Variants in ARL8B observed in about 807,000 individuals in gnomAD.
The protein encoded by ARL8B is ARF like GTPase 8B.
A neutral mutation model predicts 30.6 loss-of-function variants in ARL8B; 9 were observed. That is an observed-to-expected ratio of 0.29 (90% CI 0.18 to 0.51). The LOEUF (loss-of-function observed/expected upper bound fraction) is 0.51. ARL8B is among the 20% of genes least tolerant of loss of function. The pLI is 0.97. For missense variants in ARL8B, 130 were observed against 227.2 expected (o/e 0.57, Z 2.75); for synonymous variants, 74 against 76.0 (o/e 0.97, Z 0.14).
intron 1 of ARL8B, among the ~76,000 whole-genome samples, chr3:5,129,021 A>T (rs544431558): frequency 1.3e-5 from 2 of 151,738 alleles, no homozygotes; most frequent in African/African-American, 4.8e-5. Context: ...GATTTTTCCT[A>T]TGTTTTCCTA....
chr3:5,141,612 G>A (rs1443884310), intron 1 of ARL8B, among the ~76,000 whole-genome samples: 1 of 152,152 alleles, frequency 6.6e-6, no homozygotes, highest in Non-Finnish European at 1.5e-5. Context: ...CCGTAAATGG[G>A]TTGTTAATTC....
At chr3:5,126,042 A>T (rs547027994) in intron 1 of ARL8B, among the ~76,000 whole-genome samples, 1 of 152,202 alleles carries the variant, frequency 6.6e-6, no homozygotes, top group Non-Finnish European at 1.5e-5. Context: ...AATTTAAAAA[A>T]GAAAAAAGAC....
chr3:5,126,770 T>G (rs1410608714), intron 1 of ARL8B, among the ~76,000 whole-genome samples: 1 of 152,220 alleles, frequency 6.6e-6, no homozygotes, highest in Admixed American at 6.5e-5. Flanking sequence ...TTCTGATTAG[T>G]GTCAAGGAAT....
chr3:5,164,844 C>A (rs539180911), intron 1 of ARL8B, among the ~76,000 whole-genome samples: 1 of 151,998 alleles, frequency 6.6e-6, no homozygotes, highest in Non-Finnish European at 1.5e-5. Context: ...TCTCTTTAGC[C>A]TCTGTTAGTC....
intron 6 of ARL8B, among the ~76,000 whole-genome samples, chr3:5,175,024 C>G (rs184160812): frequency 1.3e-5 from 2 of 151,976 alleles, no homozygotes; most frequent in Admixed American, 1.3e-4. Context: ...TGGTCTTGAA[C>G]TCCTGACCTC....
intron 6 of ARL8B, among the ~76,000 whole-genome samples, chr3:5,177,400 T>G (rs1241018729): frequency 6.6e-6 from 1 of 152,212 alleles, no homozygotes; most frequent in African/African-American, 2.4e-5. Flanking sequence ...CCATTTGTCT[T>G]TAGGATATGA....
At chr3:5,174,141 A>G in intron 5 of ARL8B, 57 bp downstream of exon 5, 1 of 1,469,502 alleles carries the variant, frequency 6.8e-7, no homozygotes, top group Non-Finnish European at 9.5e-7. Flanking sequence ...TATTTTGCCC[A>G]CTTGTTATGT....
chr3:5,169,228 A>ACC (rs1023227175), intron 1 of ARL8B, among the ~76,000 whole-genome samples: 3 of 151,990 alleles, frequency 2.0e-5, no homozygotes, highest in African/African-American at 7.3e-5. Context: ...GAAACTCCAT[A>ACC]CCCATTAAGC....
intron 1 of ARL8B, among the ~76,000 whole-genome samples, chr3:5,136,548 G>T (rs1382547631): frequency 6.6e-6 from 1 of 152,076 alleles, no homozygotes; most frequent in Non-Finnish European, 1.5e-5. Context: ...GCTTTCTTTG[G>T]CTCTTTGTGC....
chr3:5,141,721 C>T (rs73002989), intron 1 of ARL8B, among the ~76,000 whole-genome samples: 3,681 of 152,264 alleles, frequency 0.024, 56 homozygotes, highest in Middle Eastern at 0.099. Flanking sequence ...GAAAGTATAA[C>T]GTTTCCCACC....
At chr3:5,130,505 A>G (rs1559275112) in intron 1 of ARL8B, among the ~76,000 whole-genome samples, 2 of 151,240 alleles carry the variant, frequency 1.3e-5, no homozygotes, top group Admixed American at 6.6e-5. Flanking sequence ...TTATAGTGGG[A>G]TGCTGCTTGC....
intron 1 of ARL8B, among the ~76,000 whole-genome samples, chr3:5,156,685 GTAT>G (rs2054536097): frequency 6.6e-6 from 1 of 152,158 alleles, no homozygotes; most frequent in Non-Finnish European, 1.5e-5. Flanking sequence ...CAAAGTGCTG[GTAT>G]TATAGGCCTG....
chr3:5,176,631 C>T (rs960528777), intron 6 of ARL8B, among the ~76,000 whole-genome samples: 23 of 152,164 alleles, frequency 1.5e-4, no homozygotes, highest in South Asian at 8.3e-4. Context: ...TTAGTAACAG[C>T]GGATAGACAC....
At chr3:5,143,360 A>G (rs987159670) in intron 1 of ARL8B, among the ~76,000 whole-genome samples, 12 of 152,204 alleles carry the variant, frequency 7.9e-5, no homozygotes, top group African/African-American at 2.7e-4. Flanking sequence ...AACCTCTGCA[A>G]TGTGGGAAAG....
chr3:5,175,265 A>G (rs1038277983), intron 6 of ARL8B, among the ~76,000 whole-genome samples: 8 of 152,184 alleles, frequency 5.3e-5, no homozygotes, highest in African/African-American at 9.7e-5. Context: ...CCAAGAACCT[A>G]TCAGTGATGT....
intron 2 of ARL8B, among the ~76,000 whole-genome samples, chr3:5,171,103 C>T (rs2054670035): frequency 6.6e-6 from 1 of 152,052 alleles, no homozygotes; most frequent in South Asian, 2.1e-4. Context: ...GTCCATTTTG[C>T]CCAATTATTG....
intron 1 of ARL8B, among the ~76,000 whole-genome samples, chr3:5,145,025 A>G (rs1017694019): frequency 1.3e-5 from 2 of 152,208 alleles, no homozygotes; most frequent in Non-Finnish European, 2.9e-5. Context: ...ACCATTAGGT[A>G]ATCTACCTTT....
intron 1 of ARL8B, among the ~76,000 whole-genome samples, chr3:5,153,122 G>A (rs1304495030): frequency 6.6e-6 from 1 of 152,158 alleles, no homozygotes; most frequent in East Asian, 1.9e-4. Flanking sequence ...TAGAATTAAT[G>A]TATATCACTT....
chr3:5,153,599 C>T (rs551027565), intron 1 of ARL8B, among the ~76,000 whole-genome samples: 38 of 152,118 alleles, frequency 2.5e-4, no homozygotes, highest in African/African-American at 3.1e-4. Flanking sequence ...AAATGGAAAA[C>T]GACACCAATG....
Sources: gnomAD v4.1 joint callset for allele counts (sites outside exome capture counted in the v4.1 genomes callset) on GRCh38, gnomAD v4.1.1 for gene constraint, MANE v1.5 for transcripts, NCBI Gene and HGNC (gene_info 2026-07-23, HGNC 2026-07-21) for gene names.